TDRD5: variants seen among roughly 807,000 people sequenced by gnomAD.
TDRD5 encodes the protein tudor domain containing 5, also known as tudor domain-containing protein 5.
A neutral mutation model predicts 120.6 loss-of-function variants in TDRD5; 41 were observed. That is an observed-to-expected ratio of 0.34 (90% CI 0.26 to 0.44). TDRD5 has a LOEUF of 0.44. Ranked by LOEUF, TDRD5 falls within the 20% of genes least tolerant of loss-of-function variation. TDRD5 has a pLI of 1.00. For missense variants in TDRD5, 1,006 were observed against 1,221.2 expected (o/e 0.82, Z 2.63); for synonymous variants, 430 against 433.7 (o/e 0.99, Z 0.11).
chr1:179,594,706 T>G (rs1675294407), intron 3 of TDRD5, among the ~76,000 whole-genome samples: 1 of 152,346 alleles, frequency 6.6e-6, no homozygotes, highest in East Asian at 1.9e-4. Flanking sequence ...TTAACATAGG[T>G]GAACCAAGAG....
intron 7 of TDRD5, among the ~76,000 whole-genome samples, chr1:179,631,463 A>G (rs908440215): frequency 6.6e-6 from 1 of 152,180 alleles, no homozygotes; most frequent in African/African-American, 2.4e-5. Flanking sequence ...AAGTTCCTAA[A>G]ATGGTGGTCT....
intron 2 of TDRD5, 53 bp from the exon 3 acceptor site, chr1:179,593,407 A>G: frequency 3.9e-6 from 6 of 1,549,854 alleles, no homozygotes; most frequent in Non-Finnish European, 5.3e-6. Flanking sequence ...ACTAAGGATA[A>G]AGAAGGGAGT....
intron 3 of TDRD5, among the ~76,000 whole-genome samples, chr1:179,594,908 T>C (rs1263617601): frequency 2.0e-5 from 3 of 152,222 alleles, no homozygotes; most frequent in Non-Finnish European, 4.4e-5. Flanking sequence ...TTGCAAGAGA[T>C]TGAGTTGTAG....
chr1:179,681,262 G>T (rs1238370320), intron 17 of TDRD5, among the ~76,000 whole-genome samples: 5 of 147,788 alleles, frequency 3.4e-5, no homozygotes, highest in African/African-American at 4.8e-5. Context: ...AAAAATTTTT[G>T]TACAGACAAA....
At chr1:179,674,256 G>T (rs1042503828) in intron 17 of TDRD5, among the ~76,000 whole-genome samples, 1 of 152,114 alleles carries the variant, frequency 6.6e-6, no homozygotes, top group Non-Finnish European at 1.5e-5. Context: ...AATCATAAAG[G>T]GATGCTGGAT....
At chr1:179,653,466 G>T (rs888367493) in intron 13 of TDRD5, among the ~76,000 whole-genome samples, 6 of 152,034 alleles carry the variant, frequency 3.9e-5, no homozygotes, top group African/African-American at 1.4e-4. Flanking sequence ...TAGATTTCTA[G>T]TTAATGTTAA....
chr1:179,633,943 G>A (rs535276827), intron 7 of TDRD5, among the ~76,000 whole-genome samples: 25 of 151,750 alleles, frequency 1.6e-4, no homozygotes, highest in African/African-American at 5.1e-4. Flanking sequence ...AGGCCGAGGC[G>A]GGCAGATCAC....
At chr1:179,652,599 A>G (rs1043622025) in intron 13 of TDRD5, among the ~76,000 whole-genome samples, 1 of 152,222 alleles carries the variant, frequency 6.6e-6, no homozygotes, top group African/African-American at 2.4e-5. Flanking sequence ...AATAAGAACA[A>G]CAGCATTATT....
chr1:179,630,970 A>G (rs1677409171), intron 7 of TDRD5, 50 bp downstream of exon 7: 1 of 1,511,188 alleles, frequency 6.6e-7, no homozygotes, highest in East Asian at 2.3e-5. Flanking sequence ...TGTCCTTATG[A>G]GGACAAAGAG....
At chr1:179,605,342 T>TA (rs1675915664) in intron 4 of TDRD5, among the ~76,000 whole-genome samples, 1 of 152,174 alleles carries the variant, frequency 6.6e-6, no homozygotes, top group African/African-American at 2.4e-5. Context: ...TCTGTATCTT[T>TA]TAAGTGGAGC....
At chr1:179,613,489 C>T (rs569310102) in intron 4 of TDRD5, among the ~76,000 whole-genome samples, 49 of 152,240 alleles carry the variant, frequency 3.2e-4, no homozygotes, top group African/African-American at 1.0e-3. Context: ...AACAAGCTAC[C>T]GCAAACTGGG....
At chr1:179,607,789 A>G (rs974463170) in intron 4 of TDRD5, among the ~76,000 whole-genome samples, 75 of 152,096 alleles carry the variant, frequency 4.9e-4, no homozygotes, top group African/African-American at 1.7e-3. Flanking sequence ...GGTAAATAGA[A>G]ATATTTATTT....
intron 17 of TDRD5, among the ~76,000 whole-genome samples, chr1:179,687,969 G>A (rs964745857): frequency 6.0e-5 from 9 of 151,176 alleles, no homozygotes; most frequent in African/African-American, 1.7e-4. Context: ...CATGAATACA[G>A]CACACTGATG....
chr1:179,675,340 C>T (rs1247176149), intron 17 of TDRD5, among the ~76,000 whole-genome samples: 4 of 129,810 alleles, frequency 3.1e-5, no homozygotes, highest in South Asian at 2.6e-4. Flanking sequence ...ACTGCAGTGG[C>T]GCTATCCCGG....
At chr1:179,627,471 T>C (rs1677193286) in intron 6 of TDRD5, among the ~76,000 whole-genome samples, 1 of 152,218 alleles carries the variant, frequency 6.6e-6, no homozygotes. Context: ...TTTGATTATA[T>C]TGGTGGTAGT....
intron 6 of TDRD5, among the ~76,000 whole-genome samples, chr1:179,625,130 C>CAAA (rs1335101585): frequency 8.3e-5 from 10 of 120,724 alleles, no homozygotes; most frequent in African/African-American, 1.5e-4. Context: ...CAACTGAATA[C>CAAA]AAAAAAAAAA....
At chr1:179,689,821 T>G (rs71220335) in intron 17 of TDRD5, among the ~76,000 whole-genome samples, 1 of 152,096 alleles carries the variant, frequency 6.6e-6, no homozygotes, top group Non-Finnish European at 1.5e-5. Flanking sequence ...TAGCAGTGAG[T>G]GAGGCTCCGT....
chr1:179,604,020 G>T (rs868048806), intron 4 of TDRD5, among the ~76,000 whole-genome samples: 4 of 151,680 alleles, frequency 2.6e-5, no homozygotes, highest in African/African-American at 7.3e-5. Context: ...ACTTTTTTTT[G>T]TTGGTAATTT....
intron 7 of TDRD5, among the ~76,000 whole-genome samples, chr1:179,633,377 A>C (rs943836292): frequency 1.1e-4 from 17 of 150,194 alleles, no homozygotes; most frequent in Non-Finnish European, 2.1e-4. Flanking sequence ...TTTGAGATGG[A>C]GTCTCGCTCT....
Sources: gnomAD v4.1 joint callset for allele counts (sites outside exome capture counted in the v4.1 genomes callset) on GRCh38, gnomAD v4.1.1 for gene constraint, MANE v1.5 for transcripts, NCBI Gene and HGNC (gene_info 2026-07-23, HGNC 2026-07-21) for gene names.